The following MLLT10 variants were observed in gnomAD, a reference collection of about 807,000 sequenced individuals.
The protein encoded by MLLT10 is MLLT10 histone lysine methyltransferase DOT1L cofactor, also known as protein AF-10.
In MLLT10, 30 loss-of-function variants were observed where a neutral mutation model predicts 129.1. The observed-to-expected ratio is 0.23, with a 90% CI of 0.17 to 0.32. The LOEUF is 0.32. Among genes scored for constraint, MLLT10 ranks in the 10% least tolerant of loss-of-function variants. The pLI is 1.00. For missense variants in MLLT10, 1,119 were observed against 1,268.3 expected (o/e 0.88, Z 1.79); for synonymous variants, 490 against 446.4 (o/e 1.10, Z -1.23).
intron 9 of MLLT10, among the ~76,000 whole-genome samples, chr10:21,654,585 A>G (rs1365881479): frequency 6.6e-6 from 1 of 152,222 alleles, no homozygotes; most frequent in Non-Finnish European, 1.5e-5. Flanking sequence ...AATGTTTACT[A>G]TGATTTCTGG....
chr10:21,693,359 G>A (rs1472099218), intron 13 of MLLT10, among the ~76,000 whole-genome samples: 1 of 149,368 alleles, frequency 6.7e-6, no homozygotes, highest in Middle Eastern at 3.3e-3. Context: ...CAAGATATTA[G>A]ATGTCTTTCC....
intron 9 of MLLT10, chr10:21,669,123 C>CT: frequency 8.0e-7 from 1 of 1,244,016 alleles, no homozygotes; most frequent in Non-Finnish European, 1.0e-6. Context: ...TCCTTTTAAA[C>CT]TTACTTTGAA....
chr10:21,680,209 TTTTTC>T (rs970134253), intron 11 of MLLT10, among the ~76,000 whole-genome samples: 3 of 151,990 alleles, frequency 2.0e-5, no homozygotes, highest in Admixed American at 6.6e-5. Context: ...CTCTTTTCTT[TTTTTC>T]TTTTCTTTTT....
intron 8 of MLLT10, among the ~76,000 whole-genome samples, chr10:21,623,203 G>C (rs940589907): frequency 1.3e-5 from 2 of 152,066 alleles, no homozygotes; most frequent in East Asian, 1.9e-4. Context: ...TTAAATCGTT[G>C]GTCATTGGTG....
chr10:21,698,800 C>T (rs1014039271), intron 13 of MLLT10, among the ~76,000 whole-genome samples: 4 of 152,068 alleles, frequency 2.6e-5, no homozygotes, highest in Admixed American at 6.5e-5. Flanking sequence ...ATTGTGGTTT[C>T]GATTTACATT....
At chr10:21,733,382 G>A (rs2058107482) in intron 18 of MLLT10, 122 bp from the exon 19 acceptor site, 1 of 621,392 alleles carries the variant, frequency 1.6e-6, no homozygotes, top group African/African-American at 1.9e-5. Context: ...GGAATAGCAA[G>A]ACTAGATATT....
At chr10:21,598,442 A>C (rs1230014029) in intron 5 of MLLT10, among the ~76,000 whole-genome samples, 2 of 152,156 alleles carry the variant, frequency 1.3e-5, no homozygotes, top group Non-Finnish European at 2.9e-5. Context: ...TTTTGGTGAG[A>C]ATAATATTTA....
chr10:21,696,856 C>T (rs908213855), intron 13 of MLLT10, among the ~76,000 whole-genome samples: 25 of 152,154 alleles, frequency 1.6e-4, no homozygotes, highest in Admixed American at 9.8e-4. Context: ...TTCAGGGCGT[C>T]GTCCACACTG....
chr10:21,690,516 C>T (rs1463172057), intron 13 of MLLT10, among the ~76,000 whole-genome samples: 1 of 151,962 alleles, frequency 6.6e-6, no homozygotes, highest in Non-Finnish European at 1.5e-5. Context: ...CAGAATAGGG[C>T]TTTAATGATT....
intron 11 of MLLT10, among the ~76,000 whole-genome samples, chr10:21,676,316 G>T (rs937968585): frequency 6.6e-6 from 1 of 151,940 alleles, no homozygotes; most frequent in African/African-American, 2.4e-5. Context: ...ACTCGGAGAG[G>T]CTGAGGCAGG....
rs34551826 is a variant in MLLT10 at position 21,713,803 on chromosome 10, G to A, written c.1731G>A (p.Ser577=). The change falls in exon 14 of 23, where the codon TCG becomes TCA. Residue 577 remains serine (S), a synonymous_variant. Coordinates refer to ENST00000307729, the MANE Select transcript of MLLT10 (RefSeq NM_001195626.3). ...GIYNSNDVAV[S]FPNVVSGSGS... is the part of the protein sequence containing the mutation. ...ATAACAGCAATGATGTAGCAGTATCGTTTCCAAATGTAGTATCTGGCTCGG... is the reference window on the plus strand; with the variant it reads ...ATAACAGCAATGATGTAGCAGTATCATTTCCAAATGTAGTATCTGGCTCGG... 6.8e-3 allele frequency: 10,936 copies of A among 1,613,118 alleles called. 69 individuals are homozygous for A. Among genetic ancestry groups the A allele is most frequent in the South Asian group, 0.017 (1,507 of 90,902 alleles).
At chr10:21,588,775 T>G (rs138580996) in intron 4 of MLLT10, among the ~76,000 whole-genome samples, 1 of 152,190 alleles carries the variant, frequency 6.6e-6, no homozygotes, top group Non-Finnish European at 1.5e-5. Flanking sequence ...GAAGAGCAGT[T>G]TGTTTTTTCT....
At chr10:21,546,556 C>T (rs1490074988) in intron 3 of MLLT10, among the ~76,000 whole-genome samples, 1 of 150,726 alleles carries the variant, frequency 6.6e-6, no homozygotes, top group Non-Finnish European at 1.5e-5. Flanking sequence ...AGGCACGCCC[C>T]ACCACTCCTG....
At chr10:21,568,126 G>T (rs564206354) in intron 3 of MLLT10, among the ~76,000 whole-genome samples, 2 of 152,242 alleles carry the variant, frequency 1.3e-5, no homozygotes, top group Admixed American at 6.5e-5. Flanking sequence ...CCTTGTTGGG[G>T]GTTCTTTTAT....
intron 14 of MLLT10, among the ~76,000 whole-genome samples, chr10:21,719,847 A>G (rs945506922): frequency 1.3e-5 from 2 of 152,196 alleles, no homozygotes; most frequent in African/African-American, 4.8e-5. Flanking sequence ...CCAGTGAGAA[A>G]TTGTACAGGA....
intron 3 of MLLT10, among the ~76,000 whole-genome samples, chr10:21,556,253 G>A (rs987125818): frequency 8.5e-5 from 13 of 152,182 alleles, no homozygotes; most frequent in East Asian, 1.9e-4. Flanking sequence ...GTGAGCCACC[G>A]TGCCCAGCCT....
At position 21,662,518 on chromosome 10, in the gene MLLT10, A is replaced by G. The variant is rs146106722; in HGVS notation, c.796-7931A>G. ...CACTCTGCTGATGATTCCATCAAAG[A>G]CATTCTTCATTTCTGTTTGTTTTTG... is the stretch of plus-strand genomic sequence containing the variant. On this transcript the variant is annotated intron_variant, in intron 9 of 22. Transcript: ENST00000307729. Among the ~76,000 whole-genome samples, 403 of 152,136 alleles carry G rather than the reference A, an allele frequency of 2.6e-3. 3 individuals carry two copies. The highest frequency in any genetic ancestry group is 9.4e-3 in the African/African-American group (390 of 41,518).
intron 6 of MLLT10, among the ~76,000 whole-genome samples, chr10:21,614,450 G>C (rs1279840167): frequency 6.6e-6 from 1 of 152,074 alleles, no homozygotes; most frequent in Admixed American, 6.5e-5. Context: ...TTAGAGGCAT[G>C]GCCTTTCCAT....
chr10:21,637,798 T>A, intron 8 of MLLT10, among the ~76,000 whole-genome samples: 1 of 152,222 alleles, frequency 6.6e-6, no homozygotes, highest in Non-Finnish European at 1.5e-5. Context: ...ACCTACCAAG[T>A]ACCATCAGTG....
Sources: allele counts gnomAD v4.1 joint callset (sites outside exome capture counted in the v4.1 genomes callset), GRCh38; gene constraint gnomAD v4.1.1; transcripts MANE v1.5; gene names NCBI Gene and HGNC (gene_info 2026-07-23, HGNC 2026-07-21).